DPF3: variants seen among roughly 807,000 people sequenced by gnomAD.
The protein encoded by DPF3 is zinc finger protein DPF3.
Under a neutral mutation model 56.8 loss-of-function variants are expected in DPF3, and 18 were observed. That is an observed-to-expected ratio of 0.32 (90% confidence interval 0.22 to 0.47). The LOEUF (loss-of-function observed/expected upper bound fraction) is 0.47. Ranked by LOEUF, DPF3 falls within the 20% of genes least tolerant of loss-of-function variation. The pLI, the probability that DPF3 is intolerant of heterozygous loss-of-function variation, is 1.00. For synonymous variants in DPF3, 188 were observed against 180.2 expected, an observed-to-expected ratio of 1.04 and a Z score of -0.35; for missense variants, 403 against 488.8, an observed-to-expected ratio of 0.82 and a Z score of 1.65.
intron 1 of DPF3, among the ~76,000 whole-genome samples, chr14:72,808,909 T>C (rs1882909637): frequency 6.6e-6 from 1 of 152,256 alleles, no homozygotes. Flanking sequence ...ACCTACCTGC[T>C]GTGCGAACCC....
intron 1 of DPF3, among the ~76,000 whole-genome samples, chr14:72,834,933 C>A (rs573822967): frequency 1.3e-5 from 2 of 152,202 alleles, no homozygotes; most frequent in East Asian, 3.9e-4. Context: ...TGCTGAGTGA[C>A]AGAAGCCAGA....
intron 4 of DPF3, among the ~76,000 whole-genome samples, chr14:72,729,030 C>T (rs939901137): frequency 6.6e-6 from 1 of 151,884 alleles, no homozygotes; most frequent in African/African-American, 2.4e-5. Context: ...GGTAGATCAC[C>T]TGCAGTCAGG....
rs188633735 is a variant in DPF3, at chr14:72,746,045, G to A, written c.301+7219C>T. On this transcript the variant is annotated intron_variant, in intron 3 of 10. Transcript: ENST00000556509. The stretch of plus-strand genomic sequence containing the variant: ...CAGAAGAGGGGCTGAGATCTAGCTC[G>A]TGCTCTACTAACCCACCAGAAAGGG... Among the ~76,000 whole-genome samples the A allele has an allele frequency of 7.4e-4, 113 of 152,278 alleles. 1 individual carries two copies. Among genetic ancestry groups the A allele is most frequent in the Non-Finnish European group, 5.1e-4 (35 of 68,020 alleles).
In DPF3 at chr14:72,629,613, C is replaced by T; in HGVS notation, c.984+11G>A. On this transcript the variant is annotated intron_variant, in intron 9 of 10. Coordinates refer to ENST00000556509, the MANE Select transcript of DPF3 (RefSeq NM_001280542.3). ...GATTTCTCCCTCCCACAGGGAAAGC[C>T]CCAAACTCACATCATTCTCTGAGGT... 1 of 1,533,860 alleles carries T rather than the reference C, an allele frequency of 6.5e-7. No homozygotes were observed. The highest frequency in any genetic ancestry group is 2.4e-5 in the East Asian group (1 of 40,892).
intron 1 of DPF3, among the ~76,000 whole-genome samples, chr14:72,851,566 G>C (rs1884984969): frequency 6.6e-6 from 1 of 152,188 alleles, no homozygotes; most frequent in Non-Finnish European, 1.5e-5. Flanking sequence ...GCCTGGCAAA[G>C]GGACTTCTTT....
intron 4 of DPF3, among the ~76,000 whole-genome samples, chr14:72,725,236 T>C (rs1243836919): frequency 6.6e-6 from 1 of 152,154 alleles, no homozygotes; most frequent in African/African-American, 2.4e-5. Flanking sequence ...AGAACAGATT[T>C]AAACAATGTG....
rs76723122 is a variant in DPF3, at chr14:72,742,923, C to G, written c.301+10341G>C. Among the ~76,000 whole-genome samples, 65 of 152,186 alleles carry G rather than the reference C, an allele frequency of 4.3e-4. No homozygotes were observed. The East Asian group carries it at 0.012, about 28-fold the overall frequency. ...ACTCAAGTCCCTCCGCCTGGACCAC[C>G]CCTTTGGGAGATACCCCTCTGCAGG... On this transcript the variant is annotated intron_variant, in intron 3 of 10. Coordinates refer to ENST00000556509, the MANE Select transcript of DPF3 (RefSeq NM_001280542.3).
At chr14:72,729,109 G>A (rs1421530918) in intron 4 of DPF3, among the ~76,000 whole-genome samples, 1 of 151,996 alleles carries the variant, frequency 6.6e-6, no homozygotes, top group Non-Finnish European at 1.5e-5. Context: ...TCAGCCAGAG[G>A]TGGTGGTGCG....
At chr14:72,834,494 C>CAAAAA (rs375709642) in intron 1 of DPF3, among the ~76,000 whole-genome samples, 7 of 91,416 alleles carry the variant, frequency 7.7e-5, no homozygotes, top group African/African-American at 2.7e-4. Context: ...GAGACTGTCT[C>CAAAAA]AAAAAAAAAA....
At chr14:72,748,883 G>T (rs752947908) in intron 3 of DPF3, among the ~76,000 whole-genome samples, 2 of 152,246 alleles carry the variant, frequency 1.3e-5, no homozygotes, top group Admixed American at 1.3e-4. Context: ...AAGATGTATG[G>T]AAATGCCTGG....
At chr14:72,649,989 AT>A (rs915993826) in intron 8 of DPF3, among the ~76,000 whole-genome samples, 1 of 152,226 alleles carries the variant, frequency 6.6e-6, no homozygotes, top group Non-Finnish European at 1.5e-5. Context: ...CGAGCGGCTG[AT>A]GAGCAAACTC....
rs1283262726 is a variant in DPF3 at position 72,611,176 on chromosome 14, C to T, written c.*8121G>A. Among the ~76,000 whole-genome samples the T allele has an allele frequency of 2.0e-5, 3 of 152,208 alleles. No individual in the cohort carries two copies. The highest frequency in any genetic ancestry group is 2.9e-5 in the Non-Finnish European group (2 of 68,032). ...CCACACATGGACAGATACACACCTT[C>T]CCCCAAGCCCAGGCATTTTGCTTGA... On this transcript the variant is annotated 3_prime_UTR_variant, in exon 11 of 11. Transcript: ENST00000556509.
intron 1 of DPF3, among the ~76,000 whole-genome samples, chr14:72,851,888 C>T (rs538893036): frequency 1.4e-4 from 21 of 152,376 alleles, no homozygotes; most frequent in African/African-American, 4.8e-4. Flanking sequence ...GCCAGGCCCG[C>T]CACCAGCTGG....
rs8010823 is a variant in DPF3 at position 72,612,296 on chromosome 14, C to A, written c.*7001G>T. ...TTTCCCAAATGCCATGTGGACCAGA[C>A]GCATTGGTGAGCCAGGGACGCCCTG... On this transcript the variant is annotated 3_prime_UTR_variant, in exon 11 of 11. Coordinates refer to ENST00000556509, the MANE Select transcript of DPF3 (RefSeq NM_001280542.3). Among the ~76,000 whole-genome samples, 11 of 152,180 alleles carry A rather than the reference C, an allele frequency of 7.2e-5. No individual in the cohort carries two copies. The highest frequency in any genetic ancestry group is 2.4e-4 in the African/African-American group (10 of 41,444).
At chr14:72,817,867 AT>A (rs1216252669) in intron 1 of DPF3, among the ~76,000 whole-genome samples, 2 of 152,254 alleles carry the variant, frequency 1.3e-5, no homozygotes, top group African/African-American at 2.4e-5. Context: ...GGATATCCAT[AT>A]TTTAAAAGTA....
chr14:72,754,301 T>G (rs1890701127), intron 2 of DPF3, among the ~76,000 whole-genome samples: 1 of 152,024 alleles, frequency 6.6e-6, no homozygotes, highest in South Asian at 2.1e-4. Context: ...GGCTAGGTGA[T>G]TTGTAGTCCT....
At chr14:72,717,640 C>T (rs1374922437) in intron 5 of DPF3, among the ~76,000 whole-genome samples, 2 of 152,194 alleles carry the variant, frequency 1.3e-5, no homozygotes, top group African/African-American at 4.8e-5. Context: ...GCGTGCAAAG[C>T]TCTTTTGCAT....
At chr14:72,830,200 A>G (rs953860317) in intron 1 of DPF3, among the ~76,000 whole-genome samples, 4 of 152,258 alleles carry the variant, frequency 2.6e-5, no homozygotes, top group African/African-American at 9.6e-5. Context: ...AATTTTCCAA[A>G]TTAAATCAGA....
chr14:72,753,161 C>T, intron 3 of DPF3, 103 bp downstream of exon 3: 1 of 1,044,360 alleles, frequency 9.6e-7, no homozygotes. Flanking sequence ...TCCCAGAAAA[C>T]TTAGCTCTAT....
Sources: gnomAD v4.1 joint callset for allele counts (sites outside exome capture counted in the v4.1 genomes callset) on GRCh38, gnomAD v4.1.1 for gene constraint, MANE v1.5 for transcripts, NCBI Gene and HGNC (gene_info 2026-07-23, HGNC 2026-07-21) for gene names.